Variants in MPND observed in about 807,000 individuals in gnomAD.
MPND encodes MPN domain-containing protein.
MPND carries 56 observed loss-of-function variants against 59.2 expected under a neutral mutation model. The observed-to-expected ratio is 0.95, with a 90% CI of 0.76 to 1.18. The LOEUF is 1.18. Ranked by LOEUF, MPND falls within the 50% of genes most tolerant of loss-of-function variation. MPND has a pLI of 0.00. For synonymous variants in MPND, 323 were observed against 291.9 expected (o/e 1.11, Z -1.09); for missense variants, 671 against 676.0 (o/e 0.99, Z 0.08).
In MPND at chr19:4,354,409, C is replaced by A. The variant is rs1265870310; in HGVS notation, c.835C>A (p.Leu279Met). 6 of 1,556,278 alleles carry A rather than the reference C, an allele frequency of 3.9e-6. 1 individual carries two copies. The South Asian group carries it at 7.1e-5, about 18-fold the overall frequency. The change falls in exon 6 of 13, where the codon CTG becomes ATG. Residue 279 changes from leucine (L) to methionine (M), a missense_variant. By Grantham distance (15) the Leu-to-Met change is conservative. Coordinates refer to ENST00000599840, the MANE Select transcript of MPND (RefSeq NM_001300862.2). ...PFNVAVSSNV[L>M]FLLDFHSHLT... ...CAACGTGGCTGTTTCTAGCAACGTG[C>A]TGTTCCTGCTGGTGTGTGGCCCACC...
Position 4,354,314 on chromosome 19 carries a change from G to A in MPND, c.750-10G>A, listed in dbSNP as rs1379398263. 6.4e-7 allele frequency: 1 copy of A among 1,553,982 alleles called. No individual in the cohort carries two copies. Among genetic ancestry groups the A allele is most frequent in the East Asian group, 2.4e-5 (1 of 41,292 alleles). ...TTCCTGAGACTGTGCGACCCTCCTG[G>A]CCCCTACAGGAACCCCCACACCCTG... On this transcript the variant is annotated splice_polypyrimidine_tract_variant and intron_variant, in intron 5 of 12. Coordinates refer to ENST00000599840, the MANE Select transcript of MPND (RefSeq NM_001300862.2).
intron 11 of MPND, 26 bp downstream of exon 11, chr19:4,358,198 CAG>C (rs1375586742): frequency 1.3e-6 from 2 of 1,537,480 alleles, no homozygotes; most frequent in Non-Finnish European, 1.8e-6. Flanking sequence ...GGCGGGCAGG[CAG>C]GGGCTGGCAG....
intron 2 of MPND, among the ~76,000 whole-genome samples, chr19:4,344,368 G>C (rs1972139253): frequency 6.6e-6 from 1 of 150,802 alleles, no homozygotes; most frequent in Admixed American, 6.6e-5. Flanking sequence ...AGTGTGGGGA[G>C]GGGAAACTGA....
At chr19:4,356,852 C>G (rs1972448653) in intron 8 of MPND, 1 of 161,780 alleles carries the variant, frequency 6.2e-6, no homozygotes, top group South Asian at 2.0e-4. Context: ...GTTGGCCAGG[C>G]TAGTCTTGAA....
rs961003552 is a variant in MPND, at chr19:4,355,146, A to G, written c.969A>G (p.Ala323=). ...AFPCRSRLGD[A]ETAAAIEEEI... ...CTTGTCGGAGCCGGCTCGGGGACGC[A>G]GAGACTGCAGCTGCCATCGAAGAGG... The change falls in exon 8 of 13, where the codon GCA becomes GCG. Residue 323 remains alanine, a synonymous_variant. Transcript: ENST00000599840. 13 of 1,613,252 alleles carry G rather than the reference A, an allele frequency of 8.1e-6. No individual in the cohort carries two copies. The highest frequency in any genetic ancestry group is 1.1e-5 in the Non-Finnish European group (13 of 1,179,994).
chr19:4,359,918 C>T lies in MPND; in HGVS notation c.1422C>T (p.Ile474=), dbSNP rs1399686637. ...QEHTYLDKLK[I]SLASRTPKDQ... The stretch of plus-strand genomic sequence containing the variant: ...GAGGCCCAGCCCCCTCGTTTCAGAT[C>T]TCCTTGGCCAGCAGGACGCCCAAGG... The change falls in exon 13 of 13, where the codon ATC becomes ATT. Residue 474 remains isoleucine (I), a splice_region_variant and synonymous_variant. Coordinates refer to ENST00000599840, the MANE Select transcript of MPND (RefSeq NM_001300862.2). 3.6e-5 allele frequency: 57 copies of T among 1,565,322 alleles called. No individual in the cohort carries two copies. Among genetic ancestry groups the T allele is most frequent in the Non-Finnish European group, 4.7e-5 (54 of 1,154,710 alleles).
chr19:4,351,055 A>T (rs1469410953), intron 3 of MPND, among the ~76,000 whole-genome samples: 1 of 152,070 alleles, frequency 6.6e-6, no homozygotes, highest in Admixed American at 6.6e-5. Flanking sequence ...TGACCCAGAG[A>T]GGTCACCTCC....
At position 4,358,272 on chromosome 19, in the gene MPND, C is replaced by A. The variant is rs1219143960; in HGVS notation, c.1326+100C>A. The A allele has an allele frequency of 4.7e-6, 5 of 1,058,912 alleles. No homozygotes were observed. The East Asian group carries it at 7.8e-5, about 17-fold the overall frequency. The allele number at this position is 1,058,912 out of a possible 1,614,324, so 65.6% of individuals were successfully genotyped here. A position where few individuals can be genotyped will look rare whatever the true frequency, so the allele number is the denominator to read the frequency against. On this transcript the variant is annotated intron_variant, in intron 11 of 12. Coordinates refer to ENST00000599840, the MANE Select transcript of MPND (RefSeq NM_001300862.2). Reference sequence around the variant, plus strand: ...CACCGGTGGGCTTGGGAAGCTATGGCTGGTGGCGCCTTGGGGGCCTGGGTT... The same window carrying A: ...CACCGGTGGGCTTGGGAAGCTATGGATGGTGGCGCCTTGGGGGCCTGGGTT...
intron 6 of MPND, 115 bp downstream of exon 6, chr19:4,354,535 T>G (rs960173945): frequency 4.3e-5 from 37 of 852,968 alleles, no homozygotes; most frequent in Non-Finnish European, 4.9e-5. Flanking sequence ...CTGCTTTGTT[T>G]GCTACTGGTA....
At chr19:4,349,600 T>C (rs1273295147) in intron 3 of MPND, among the ~76,000 whole-genome samples, 1 of 151,892 alleles carries the variant, frequency 6.6e-6, no homozygotes, top group Admixed American at 6.6e-5. Context: ...AACCTCCGCC[T>C]CTTGGGTTCA....
At chr19:4,352,840 G>A (rs560188971) in intron 3 of MPND, 57 bp from the exon 4 acceptor site, 173 of 1,292,836 alleles carry the variant, frequency 1.3e-4, no homozygotes, top group Non-Finnish European at 1.6e-4. Context: ...TTAGCAGGGA[G>A]CGGGGGGGCA....
Position 4,357,368 on chromosome 19 carries a change from T to G in MPND, c.1112T>G (p.Leu371Arg). The G allele has an allele frequency of 6.2e-7, 1 of 1,613,034 alleles. No individual in the cohort carries two copies. The highest frequency in any genetic ancestry group is 8.5e-7 in the Non-Finnish European group (1 of 1,179,972). Residue 371 changes from leucine to arginine, a missense_variant, in exon 9 of 13, where the codon CTG becomes CGG. By Grantham distance (102) the Leu-to-Arg change is moderately radical (BLOSUM62 -2). Coordinates refer to ENST00000599840, the MANE Select transcript of MPND (RefSeq NM_001300862.2). Reference protein sequence around the residue: ...QDIDAQMDYQLRLQGSSNGFQ... With the variant: ...QDIDAQMDYQRRLQGSSNGFQ... Reference sequence around the variant, plus strand: ...ATCGACGCACAGATGGACTACCAGCTGCGGCTGCAGGGCTCCAGCAATGGC... The same window carrying G: ...ATCGACGCACAGATGGACTACCAGCGGCGGCTGCAGGGCTCCAGCAATGGC...
At position 4,357,456 on chromosome 19, in the gene MPND, G is replaced by T. The variant is rs765037221; in HGVS notation, c.1165+35G>T. 16 of 1,609,734 alleles carry T rather than the reference G, an allele frequency of 9.9e-6. No individual in the cohort carries two copies. In the Admixed American group the frequency reaches 1.0e-4, roughly 10 times the overall value. ...ATGGGGCTGTGGGGGGAGCAAGGAG[G>T]GGGGATGCTGGGCCAGCCGAGCCTC... On this transcript the variant is annotated intron_variant, in intron 9 of 12. Transcript: ENST00000599840.
intron 2 of MPND, 40 bp from the exon 3 acceptor site, chr19:4,345,705 G>C: frequency 6.3e-7 from 1 of 1,591,598 alleles, no homozygotes; most frequent in Non-Finnish European, 8.6e-7. Context: ...GGGCATGGTG[G>C]GTGTTGGTCC....
chr19:4,358,247 C>T (rs930778855), intron 11 of MPND, 75 bp downstream of exon 11: 214 of 1,339,036 alleles, frequency 1.6e-4, no homozygotes, highest in Non-Finnish European at 2.1e-4. Context: ...GTCTGCTTCC[C>T]ACCGGTGGGC....
At position 4,359,682 on chromosome 19, in the gene MPND, G is replaced by A. The variant is rs551664402; in HGVS notation, c.1420-234G>A. 7.9e-5 allele frequency among the ~76,000 whole-genome samples: 12 copies of A among 152,234 alleles called. No individual in the cohort carries two copies. The East Asian group carries it at 2.3e-3, about 29-fold the overall frequency. On this transcript the variant is annotated intron_variant, in intron 12 of 12. Coordinates refer to ENST00000599840, the MANE Select transcript of MPND (RefSeq NM_001300862.2). ...GAGGGGCTGAAGTGGGGGCAGGATCGGGAGTGTGCACATAAGCCCCACCCC... is the reference window on the plus strand; with the variant it reads ...GAGGGGCTGAAGTGGGGGCAGGATCAGGAGTGTGCACATAAGCCCCACCCC...
chr19:4,350,617 A>T (rs1249994373), intron 3 of MPND, among the ~76,000 whole-genome samples: 1 of 152,112 alleles, frequency 6.6e-6, no homozygotes, highest in Non-Finnish European at 1.5e-5. Flanking sequence ...CAGATGCTGG[A>T]GTCCTGAGCA....
At chr19:4,349,317 CCA>C (rs2144820962) in intron 3 of MPND, among the ~76,000 whole-genome samples, 1 of 152,238 alleles carries the variant, frequency 6.6e-6, no homozygotes, top group Admixed American at 6.5e-5. Context: ...CTCAAGTGAT[CCA>C]CTCGCTTCGG....
chr19:4,346,801 C>G (rs988703009), intron 3 of MPND, among the ~76,000 whole-genome samples: 1 of 151,054 alleles, frequency 6.6e-6, no homozygotes, highest in African/African-American at 2.4e-5. Flanking sequence ...GAGGCTGAAG[C>G]AGGCAGGTTC....
Sources: gnomAD v4.1 joint callset for allele counts (sites outside exome capture counted in the v4.1 genomes callset) on GRCh38, gnomAD v4.1.1 for gene constraint, MANE v1.5 for transcripts, NCBI Gene and HGNC (gene_info 2026-07-23, HGNC 2026-07-21) for gene names.